Variants in AFF3 observed in about 807,000 individuals in gnomAD.
AFF3 encodes ALF transcription elongation factor 3, also known as AF4/FMR2 family member 3.
Under a neutral mutation model 129.7 loss-of-function variants are expected in AFF3, and 32 were observed. The ratio of observed to expected loss-of-function variants is 0.25; its 90% CI spans 0.19 to 0.33. The LOEUF (loss-of-function observed/expected upper bound fraction) is 0.33. AFF3 is among the 10% of genes least tolerant of loss of function. The pLI, the probability that AFF3 is intolerant of heterozygous loss-of-function variation, is 1.00. For synonymous variants in AFF3, 644 were observed against 635.4 expected, an observed-to-expected ratio of 1.01 and a Z score of -0.20; for missense variants, 1,373 against 1,592.0, an observed-to-expected ratio of 0.86 and a Z score of 2.34.
intron 4 of AFF3, among the ~76,000 whole-genome samples, chr2:100,055,505 G>T (rs942253808): frequency 6.6e-6 from 1 of 151,312 alleles, no homozygotes; most frequent in African/African-American, 2.4e-5. Context: ...AAAGAAAAAT[G>T]CCAGGCTCAA....
intron 7 of AFF3, among the ~76,000 whole-genome samples, chr2:99,987,501 T>C (rs1679979564): frequency 6.6e-6 from 1 of 152,188 alleles, no homozygotes; most frequent in Non-Finnish European, 1.5e-5. Flanking sequence ...CCACAGCTCA[T>C]TTAATTGTAT....
At chr2:99,621,400 T>G (rs966525161) in intron 13 of AFF3, among the ~76,000 whole-genome samples, 3 of 152,174 alleles carry the variant, frequency 2.0e-5, no homozygotes, top group Admixed American at 2.0e-4. Flanking sequence ...GTGCTGTGGG[T>G]AGAGATTTCT....
intron 14 of AFF3, among the ~76,000 whole-genome samples, chr2:99,598,942 T>G (rs185866486): frequency 6.6e-6 from 1 of 152,372 alleles, no homozygotes; most frequent in East Asian, 1.9e-4. Flanking sequence ...TTACTTTTAT[T>G]CCAACAAATA....
At chr2:100,085,363 A>G (rs1200341791) in intron 4 of AFF3, among the ~76,000 whole-genome samples, 1 of 150,656 alleles carries the variant, frequency 6.6e-6, no homozygotes. Flanking sequence ...CCATATGCTC[A>G]CCTAACTGCA....
chr2:99,638,979 A>C (rs940217152), intron 13 of AFF3, among the ~76,000 whole-genome samples: 3 of 152,184 alleles, frequency 2.0e-5, no homozygotes, highest in Admixed American at 6.5e-5. Context: ...CATTGACTTG[A>C]ATGGGTTAAA....
At chr2:99,596,277 T>A (rs191648549) in intron 14 of AFF3, among the ~76,000 whole-genome samples, 15 of 152,306 alleles carry the variant, frequency 9.8e-5, no homozygotes, top group Admixed American at 5.2e-4. Context: ...GCCCAGTGCA[T>A]GTGGCGGTGG....
At chr2:99,863,422 GAA>G (rs533533134) in intron 7 of AFF3, among the ~76,000 whole-genome samples, 1 of 147,554 alleles carries the variant, frequency 6.8e-6, no homozygotes, top group Admixed American at 6.7e-5. Context: ...TCCTCTTTAA[GAA>G]AAAAAAAAGT....
At chr2:100,105,085 A>AGGC (rs940796090) in intron 3 of AFF3, 55 of 155,878 alleles carry the variant, frequency 3.5e-4, no homozygotes, top group South Asian at 2.0e-3. Context: ...GAGAGCGGCG[A>AGGC]GGCGGCGGCG....
rs58795996 is a variant in AFF3 at position 99,890,030 on chromosome 2, C to T, written c.874-52506G>A. 3.2e-3 allele frequency among the ~76,000 whole-genome samples: 486 copies of T among 152,282 alleles called. 4 individuals are homozygous for T. Among genetic ancestry groups the T allele is most frequent in the African/African-American group, 0.011 (462 of 41,562 alleles). On this transcript the variant is annotated intron_variant, in intron 7 of 24. Coordinates refer to ENST00000672756, the MANE Select transcript of AFF3 (RefSeq NM_001386135.1). ...ACCAGAAAACACAGGTGCCCTTTTG[C>T]GTGTGCACAGGCGAGTTCTGAAATA...
At chr2:99,983,262 A>G (rs1358885754) in intron 7 of AFF3, among the ~76,000 whole-genome samples, 2 of 152,204 alleles carry the variant, frequency 1.3e-5, no homozygotes, top group African/African-American at 4.8e-5. Flanking sequence ...GGCAGAGCTG[A>G]CTGAAGCCTA....
chr2:99,928,008 C>T (rs753983085), intron 7 of AFF3, among the ~76,000 whole-genome samples: 3 of 152,092 alleles, frequency 2.0e-5, no homozygotes, highest in Non-Finnish European at 4.4e-5. Flanking sequence ...GGGAGTTCCC[C>T]TACACAAGCT....
intron 2 of AFF3, among the ~76,000 whole-genome samples, chr2:100,123,617 A>G (rs1692069683): frequency 6.6e-6 from 1 of 152,202 alleles, no homozygotes; most frequent in Non-Finnish European, 1.5e-5. Flanking sequence ...AGTGTTGAAT[A>G]GTGTAGAATA....
intron 7 of AFF3, among the ~76,000 whole-genome samples, chr2:99,846,891 C>G (rs1006649034): frequency 1.3e-5 from 2 of 152,178 alleles, no homozygotes; most frequent in African/African-American, 4.8e-5. Flanking sequence ...CTCTTCCTGA[C>G]CCTCAGAACA....
chr2:99,874,534 G>A (rs1298371958), intron 7 of AFF3, among the ~76,000 whole-genome samples: 1 of 152,082 alleles, frequency 6.6e-6, no homozygotes, highest in Non-Finnish European at 1.5e-5. Context: ...ATGATACTAG[G>A]TTGAATTTTT....
Position 100,062,640 on chromosome 2 carries a change from G to A in AFF3, c.53+41762C>T, listed in dbSNP as rs552153770. ...AAGGCAATGGAATTGTCTCAGGACC[G>A]CAGTACCCCCGCAGGACAGCAGCAC... On this transcript the variant is annotated intron_variant, in intron 4 of 24. Transcript: ENST00000672756. 7.2e-5 allele frequency among the ~76,000 whole-genome samples: 11 copies of A among 152,228 alleles called. No individual in the cohort carries two copies. In the East Asian group the frequency reaches 1.2e-3, roughly 16 times the overall value.
chr2:99,677,212 G>A (rs899346627), intron 11 of AFF3, among the ~76,000 whole-genome samples: 1 of 149,250 alleles, frequency 6.7e-6, no homozygotes, highest in African/African-American at 2.5e-5. Flanking sequence ...CAAGGCTAGA[G>A]TGAGCCGAGG....
At chr2:99,827,678 T>C (rs1273496688) in intron 8 of AFF3, among the ~76,000 whole-genome samples, 1 of 151,690 alleles carries the variant, frequency 6.6e-6, no homozygotes, top group African/African-American at 2.4e-5. Flanking sequence ...TACACACACA[T>C]ACATATATAC....
At chr2:99,866,325 C>T (rs1691393763) in intron 7 of AFF3, among the ~76,000 whole-genome samples, 1 of 152,212 alleles carries the variant, frequency 6.6e-6, no homozygotes, top group South Asian at 2.1e-4. Context: ...AAAGAGAATA[C>T]TGGGTTTCCC....
At chr2:100,030,799 A>T (rs1227065902) in intron 4 of AFF3, among the ~76,000 whole-genome samples, 1 of 152,218 alleles carries the variant, frequency 6.6e-6, no homozygotes, top group East Asian at 1.9e-4. Flanking sequence ...ATGCTGAGAA[A>T]AGCTAAATAT....
Sources: allele counts gnomAD v4.1 joint callset (sites outside exome capture counted in the v4.1 genomes callset), GRCh38; gene constraint gnomAD v4.1.1; transcripts MANE v1.5; gene names NCBI Gene and HGNC (gene_info 2026-07-23, HGNC 2026-07-21).